The following SORCS3 variants were observed in gnomAD, a reference collection of about 807,000 sequenced individuals.
SORCS3 encodes the protein sortilin related VPS10 domain containing receptor 3.
SORCS3 carries 57 observed loss-of-function variants against 146.3 expected under a neutral mutation model. That is an observed-to-expected ratio of 0.39 (90% confidence interval 0.31 to 0.49). The LOEUF (loss-of-function observed/expected upper bound fraction) is 0.49, where lower values mean the gene tolerates loss of function less well. Ranked by LOEUF, SORCS3 falls within the 20% of genes least tolerant of loss-of-function variation. SORCS3 has a pLI of 0.92. For synonymous variants in SORCS3, 653 were observed against 618.5 expected, an observed-to-expected ratio of 1.06 and a Z score of -0.83; for missense variants, 1,341 against 1,575.5, an observed-to-expected ratio of 0.85 and a Z score of 2.52.
intron 4 of SORCS3, among the ~76,000 whole-genome samples, chr10:105,011,395 A>G (rs1188520399): frequency 6.6e-6 from 1 of 152,138 alleles, no homozygotes; most frequent in Non-Finnish European, 1.5e-5. Context: ...GTCTATTTGC[A>G]TTGTATGCAA....
In SORCS3 at chr10:105,216,245, C is replaced by A. The variant is rs148411282; in HGVS notation, c.2548-691C>A. 2.3e-3 allele frequency among the ~76,000 whole-genome samples: 352 copies of A among 152,272 alleles called. 1 individual carries two copies. Among genetic ancestry groups the A allele is most frequent in the African/African-American group, 8.1e-3 (335 of 41,554 alleles). On this transcript the variant is annotated intron_variant, in intron 18 of 26. Transcript: ENST00000369701. Reference sequence around the variant, plus strand: ...ATAATTTGGGGTGGTATGCAGTATTCATCTGTAGAATGGGAATCGCCATCC... The same window carrying A: ...ATAATTTGGGGTGGTATGCAGTATTAATCTGTAGAATGGGAATCGCCATCC...
At chr10:104,785,697 G>T (rs74155035) in intron 1 of SORCS3, among the ~76,000 whole-genome samples, 3,125 of 152,278 alleles carry the variant, frequency 0.021, 111 homozygotes, top group African/African-American at 0.072. Context: ...AGTGGTGCTT[G>T]TTAGTCACCA....
intron 1 of SORCS3, among the ~76,000 whole-genome samples, chr10:104,785,782 C>CG (rs749751952): frequency 1.3e-5 from 2 of 152,082 alleles, no homozygotes; most frequent in East Asian, 3.9e-4. Context: ...TTCTAGTTCT[C>CG]GGGTGTTCTG....
chr10:105,261,809 G>A (rs369597784), intron 25 of SORCS3, among the ~76,000 whole-genome samples: 3 of 152,280 alleles, frequency 2.0e-5, no homozygotes, highest in South Asian at 4.1e-4. Context: ...CCATTGAACA[G>A]ATGAGGAAAC....
rs889344068 is a variant in SORCS3 at position 105,263,426 on chromosome 10, T to C, written c.*52T>C. ...CTTTCTGACTTTTTATTTTTGATGA[T>C]TACTATTACTATTATTATGGAAAAA... On this transcript the variant is annotated 3_prime_UTR_variant, in exon 27 of 27. Transcript: ENST00000369701. The C allele has an allele frequency of 5.3e-6, 8 of 1,496,198 alleles. No homozygotes were observed. Among genetic ancestry groups the C allele is most frequent in the Non-Finnish European group, 7.4e-6 (8 of 1,077,540 alleles). 92.7% of individuals were successfully genotyped at this position (1,496,198 alleles called of 1,614,324 possible).
intron 5 of SORCS3, among the ~76,000 whole-genome samples, chr10:105,049,368 T>G (rs1472405389): frequency 6.6e-6 from 1 of 151,928 alleles, no homozygotes; most frequent in Admixed American, 6.6e-5. Flanking sequence ...CCACAGTCCA[T>G]CCCCTTCCAG....
intron 2 of SORCS3, among the ~76,000 whole-genome samples, chr10:104,848,761 C>T (rs965684460): frequency 5.3e-5 from 8 of 152,168 alleles, no homozygotes; most frequent in East Asian, 1.9e-4. Flanking sequence ...CTATATTAAT[C>T]GAGCACCCAT....
chr10:105,080,655 A>AT lies in SORCS3; in HGVS notation c.1029-9111dup, dbSNP rs967897308. Among the ~76,000 whole-genome samples, 17 of 151,448 alleles carry AT rather than the reference A, an allele frequency of 1.1e-4. No homozygotes were observed. The East Asian group carries it at 3.1e-3, about 28-fold the overall frequency. On this transcript the variant is annotated intron_variant, in intron 5 of 26. Transcript: ENST00000369701. ...TATATTTCCTAGATTGTCTTCCAGG[A>AT]TTTTTTTTTATAGTTTTGGGTTTTA...
chr10:105,199,913 CTA>C, intron 14 of SORCS3, 84 bp from the exon 15 acceptor site: 1 of 956,858 alleles, frequency 1.0e-6, no homozygotes, highest in Middle Eastern at 2.2e-4. Flanking sequence ...CAGTGAATCT[CTA>C]TCTCCTTCCT....
chr10:104,782,482 A>C (rs1414113749), intron 1 of SORCS3, among the ~76,000 whole-genome samples: 1 of 152,246 alleles, frequency 6.6e-6, no homozygotes, highest in East Asian at 1.9e-4. Context: ...ATGTGCAATA[A>C]GATTGCAAAG....
intron 4 of SORCS3, among the ~76,000 whole-genome samples, chr10:105,014,745 C>T (rs965416798): frequency 1.3e-5 from 2 of 152,090 alleles, no homozygotes; most frequent in Non-Finnish European, 2.9e-5. Context: ...GGAGGTGGGA[C>T]CTTTGGAAAG....
At chr10:104,873,865 G>A (rs1366244274) in intron 2 of SORCS3, among the ~76,000 whole-genome samples, 1 of 152,164 alleles carries the variant, frequency 6.6e-6, no homozygotes, top group Non-Finnish European at 1.5e-5. Context: ...CCTGTGGTAT[G>A]TGTTGAACAA....
intron 2 of SORCS3, among the ~76,000 whole-genome samples, chr10:104,887,647 C>G (rs1262265170): frequency 6.6e-6 from 1 of 152,024 alleles, no homozygotes; most frequent in Admixed American, 6.5e-5. Flanking sequence ...CCTCAAGATC[C>G]CCAAGTGGTG....
chr10:105,189,259 C>T (rs1392005369), intron 14 of SORCS3, among the ~76,000 whole-genome samples: 1 of 152,168 alleles, frequency 6.6e-6, no homozygotes, highest in Non-Finnish European at 1.5e-5. Flanking sequence ...GCAAGTGGCT[C>T]AATGAGCAGC....
intron 1 of SORCS3, among the ~76,000 whole-genome samples, chr10:104,718,628 A>G (rs1327978508): frequency 6.6e-6 from 1 of 152,204 alleles, no homozygotes; most frequent in Admixed American, 6.5e-5. Context: ...CAGGAAATAA[A>G]TCTGGAGCCT....
chr10:105,069,976 T>A (rs2055546594), intron 5 of SORCS3, among the ~76,000 whole-genome samples: 1 of 152,156 alleles, frequency 6.6e-6, no homozygotes, highest in Non-Finnish European at 1.5e-5. Flanking sequence ...AATTATGATA[T>A]CAGGCTGAAG....
chr10:104,722,146 C>G (rs1189047556), intron 1 of SORCS3, among the ~76,000 whole-genome samples: 2 of 152,118 alleles, frequency 1.3e-5, no homozygotes, highest in Non-Finnish European at 2.9e-5. Context: ...TTTGGAGATT[C>G]ATCCCATCAA....
chr10:105,098,466 T>C (rs377270335), intron 6 of SORCS3, among the ~76,000 whole-genome samples: 6 of 152,146 alleles, frequency 3.9e-5, no homozygotes, highest in African/African-American at 1.4e-4. Context: ...AGTGTGTAGA[T>C]TCTAGTCAAA....
rs1459330841 is a variant in SORCS3, at chr10:104,641,573, G to A, written c.246G>A (p.Gly82=). 2.0e-6 allele frequency: 3 copies of A among 1,477,388 alleles called. No homozygotes were observed. Among genetic ancestry groups the A allele is most frequent in the Non-Finnish European group, 2.7e-6 (3 of 1,124,340 alleles). 91.5% of individuals were successfully genotyped at this position (1,477,388 alleles called of 1,614,324 possible). ...CGGCGCGGAGAGCCGCCGTGCTGGG[G>A]CGCCGGGCCGGACCAGAGCTGCTGC... ...LASARRAAVL[G]RRAGPELLPQ... is the part of the protein sequence containing the mutation. The change falls in exon 1 of 27, where the codon GGG becomes GGA. Residue 82 remains glycine (G), a synonymous_variant. Transcript: ENST00000369701. This position sits in a 1 kb window ranked among gnomAD's most constrained non-coding sequence, Gnocchi z 6.4.
Sources: gnomAD v4.1 joint callset for allele counts (sites outside exome capture counted in the v4.1 genomes callset) on GRCh38, gnomAD v4.1.1 for gene constraint, Gnocchi (gnomAD v3.1) non-coding constraint, MANE v1.5 for transcripts, NCBI Gene and HGNC (gene_info 2026-07-23, HGNC 2026-07-21) for gene names.